The following LRP5 variants were observed in gnomAD, a reference collection of about 807,000 sequenced individuals.
LRP5 encodes LDL receptor related protein 5, also known as low-density lipoprotein receptor-related protein 5.
A neutral mutation model predicts 154.1 loss-of-function variants in LRP5; 62 were observed. The ratio of observed to expected loss-of-function variants is 0.40; its 90% CI spans 0.33 to 0.50. The LOEUF (loss-of-function observed/expected upper bound fraction) is 0.50, where lower values mean the gene tolerates loss of function less well. Among genes scored for constraint, LRP5 ranks in the 20% least tolerant of loss-of-function variants. The probability of loss-of-function intolerance (pLI) is 0.55; values close to 1 mark genes in which losing one functional copy is unlikely to be tolerated. For synonymous variants in LRP5, 966 were observed against 1,011.5 expected (o/e 0.96, Z 0.85); for missense variants, 1,915 against 2,336.7 (o/e 0.82, Z 3.72).
At chr11:68,381,681 A>G (rs1216898844) in intron 5 of LRP5, among the ~76,000 whole-genome samples, 1 of 152,236 alleles carries the variant, frequency 6.6e-6, no homozygotes, top group Non-Finnish European at 1.5e-5. Context: ...CATTTGGCCA[A>G]ACTGTTAGTT....
chr11:68,319,844 AGT>A (rs762961909), intron 1 of LRP5, among the ~76,000 whole-genome samples: 9 of 152,066 alleles, frequency 5.9e-5, no homozygotes, highest in Non-Finnish European at 1.2e-4. Flanking sequence ...CTAGTCAAAG[AGT>A]GTGTCCATTT....
Position 68,431,497 on chromosome 11 carries a change from C to G in LRP5, c.3763+1797C>G, listed in dbSNP as rs2098671892. The stretch of plus-strand genomic sequence containing the variant: ...TCAGGTGATCCGCCCACCTCAGCCT[C>G]CCAAAGTGCAGGGATTACAGGCGTG... On this transcript the variant is annotated intron_variant, in intron 17 of 22. Transcript: ENST00000294304. 2.6e-5 allele frequency among the ~76,000 whole-genome samples: 4 copies of G among 152,130 alleles called. No homozygotes were observed. The South Asian group carries it at 8.3e-4, about 31-fold the overall frequency.
rs1555071026 is a variant in LRP5, at chr11:68,341,059, C to CCTTTTTTTTTTTTTTTTTTTT, written c.92-6788_92-6787insCTTTTTTTTTTTTTTTTTTTT. 3.7e-4 allele frequency among the ~76,000 whole-genome samples: 31 copies of CCTTTTTTTTTTTTTTTTTTTT among 83,472 alleles called. 2 individuals are homozygous for CCTTTTTTTTTTTTTTTTTTTT. The highest frequency in any genetic ancestry group is 1.5e-3 in the African/African-American group (31 of 21,012). 54.8% of individuals were successfully genotyped at this position (83,472 alleles called of 152,430 possible). ...GTTACCCCTGCCGCTGGAGATTGTT[C>CCTTTTTTTTTTTTTTTTTTTT]TTTTTTTTTTTTTTTTTTTGCTATT... is the stretch of plus-strand genomic sequence containing the variant. On this transcript the variant is annotated intron_variant, in intron 1 of 22. Transcript: ENST00000294304.
chr11:68,315,263 G>C (rs1219071656), intron 1 of LRP5, among the ~76,000 whole-genome samples: 1 of 152,250 alleles, frequency 6.6e-6, no homozygotes, highest in Non-Finnish European at 1.5e-5. Context: ...GAGCTGCAGT[G>C]AGCGCAGTTG....
At chr11:68,358,465 T>G (rs980670037) in intron 3 of LRP5, among the ~76,000 whole-genome samples, 1 of 152,208 alleles carries the variant, frequency 6.6e-6, no homozygotes, top group African/African-American at 2.4e-5. Flanking sequence ...CTTTCCATCT[T>G]CAGAGCGTTT....
intron 2 of LRP5, among the ~76,000 whole-genome samples, chr11:68,350,129 C>T (rs943763592): frequency 3.3e-5 from 5 of 152,332 alleles, no homozygotes; most frequent in East Asian, 1.9e-4. Context: ...CTCCACCTCC[C>T]GAGTTCAAGT....
chr11:68,354,948 G>A (rs1198166155), intron 2 of LRP5, among the ~76,000 whole-genome samples: 2 of 152,232 alleles, frequency 1.3e-5, no homozygotes, highest in Non-Finnish European at 2.9e-5. Flanking sequence ...GCAGGGGCTT[G>A]GTGATAGCAG....
intron 5 of LRP5, among the ~76,000 whole-genome samples, chr11:68,378,047 G>A (rs968934013): frequency 4.6e-5 from 7 of 152,204 alleles, no homozygotes; most frequent in Non-Finnish European, 8.8e-5. Context: ...GTGCAGGGAG[G>A]TTGTGACATC....
Position 68,362,530 on chromosome 11 carries a change from AC to A in LRP5, c.687-1211del, listed in dbSNP as rs1247058404. ...GAAACCCTGTCTCTACCAAAAAGAT[AC>A]CCCCCAAAAATTAGCTGGGTGTGGT... On this transcript the variant is annotated intron_variant, in intron 3 of 22. Coordinates refer to ENST00000294304, the MANE Select transcript of LRP5 (RefSeq NM_002335.4). Among the ~76,000 whole-genome samples, 10 of 151,734 alleles carry A rather than the reference AC, an allele frequency of 6.6e-5. No homozygotes were observed. The East Asian group carries it at 1.9e-3, about 29-fold the overall frequency.
At chr11:68,445,468 G>T (rs373608470) in intron 21 of LRP5, 4 of 477,206 alleles carry the variant, frequency 8.4e-6, no homozygotes, top group African/African-American at 2.0e-5. Context: ...GACTTCACCC[G>T]GGTCTGTCTG....
intron 1 of LRP5, among the ~76,000 whole-genome samples, chr11:68,347,436 T>C (rs895589386): frequency 1.3e-5 from 2 of 152,214 alleles, no homozygotes; most frequent in Admixed American, 6.5e-5. Flanking sequence ...TGGCCAGTGC[T>C]GTGCCTGCAT....
At chr11:68,409,070 A>G (rs1453175725) in intron 9 of LRP5, among the ~76,000 whole-genome samples, 2 of 38,470 alleles carry the variant, frequency 5.2e-5, no homozygotes, top group African/African-American at 1.8e-4. Flanking sequence ...AAAAAAAAAA[A>G]AAAATATATA....
intron 7 of LRP5, among the ~76,000 whole-genome samples, chr11:68,395,466 A>G (rs2098648767): frequency 6.6e-6 from 1 of 152,084 alleles, no homozygotes; most frequent in South Asian, 2.1e-4. Flanking sequence ...GAGAATAGAT[A>G]CTGAAGGATG....
intron 21 of LRP5, among the ~76,000 whole-genome samples, chr11:68,442,737 C>T (rs942308704): frequency 1.3e-4 from 20 of 152,326 alleles, no homozygotes; most frequent in African/African-American, 1.9e-4. Context: ...AACCCATCTC[C>T]GGGAGGAGGT....
At chr11:68,409,702 A>G (rs746619888) in intron 9 of LRP5, among the ~76,000 whole-genome samples, 7 of 134,390 alleles carry the variant, frequency 5.2e-5, no homozygotes, top group Admixed American at 1.6e-4. Flanking sequence ...CAAAAAAATT[A>G]GCCAGGCGTG....
intron 1 of LRP5, among the ~76,000 whole-genome samples, chr11:68,315,516 T>G (rs2098592643): frequency 2.0e-5 from 3 of 152,226 alleles, no homozygotes; most frequent in Admixed American, 2.0e-4. Context: ...GCTACCTTTG[T>G]GTGCCTCAGT....
At chr11:68,369,640 C>T (rs1213920676) in intron 5 of LRP5, among the ~76,000 whole-genome samples, 1 of 152,110 alleles carries the variant, frequency 6.6e-6, no homozygotes, top group African/African-American at 2.4e-5. Flanking sequence ...GGGCGGTAGT[C>T]GTGCGCCTGT....
chr11:68,302,256 G>A, the LRP5 span, among the ~76,000 whole-genome samples: 1 of 151,478 alleles, frequency 6.6e-6, no homozygotes, highest in African/African-American at 2.4e-5. Flanking sequence ...TGAGGCAGGG[G>A]GATCACTTGA....
the LRP5 span, among the ~76,000 whole-genome samples, chr11:68,302,345 C>CAAAAAAAA: frequency 1.2e-5 from 1 of 84,436 alleles, no homozygotes; most frequent in African/African-American, 5.0e-5. Flanking sequence ...GACTCCATCT[C>CAAAAAAAA]AAAAAAAAAA....
Sources: gnomAD v4.1 joint callset for allele counts (sites outside exome capture counted in the v4.1 genomes callset) on GRCh38, gnomAD v4.1.1 for gene constraint, MANE v1.5 for transcripts, NCBI Gene and HGNC (gene_info 2026-07-23, HGNC 2026-07-21) for gene names.